Variants in NOS2 observed in about 807,000 individuals in gnomAD.
NOS2 encodes the protein nitric oxide synthase, inducible.
A neutral mutation model predicts 136.0 loss-of-function variants in NOS2; 96 were observed. The ratio of observed to expected loss-of-function variants is 0.71; its 90% CI spans 0.60 to 0.84. NOS2 has a LOEUF of 0.84. NOS2 is among the 40% of genes least tolerant of loss of function. NOS2 has a pLI of 0.00. For synonymous variants in NOS2, 539 were observed against 587.5 expected (o/e 0.92, Z 1.20); for missense variants, 1,237 against 1,496.9 (o/e 0.83, Z 2.87).
At chr17:27,790,487 T>A (rs866325409) in intron 2 of NOS2, among the ~76,000 whole-genome samples, 4 of 152,226 alleles carry the variant, frequency 2.6e-5, no homozygotes, top group African/African-American at 9.7e-5. Flanking sequence ...ACAGAAAATG[T>A]TAAGTGTACA....
chr17:27,785,593 G>A (rs1202910922), intron 5 of NOS2, among the ~76,000 whole-genome samples: 3 of 152,056 alleles, frequency 2.0e-5, no homozygotes, highest in South Asian at 2.1e-4. Context: ...GAGGACCACC[G>A]ACCCTGGAAG....
chr17:27,785,775 T>C (rs1352726849), intron 5 of NOS2, among the ~76,000 whole-genome samples: 2 of 151,186 alleles, frequency 1.3e-5, no homozygotes, highest in Non-Finnish European at 3.0e-5. Context: ...CTGGGCAACA[T>C]AGTGAGACCC....
chr17:27,799,891 C>T (rs1484983118), intron 1 of NOS2, among the ~76,000 whole-genome samples: 1 of 151,964 alleles, frequency 6.6e-6, no homozygotes, highest in South Asian at 2.1e-4. Flanking sequence ...AACTTATAGC[C>T]CCATAGACCT....
rs1339667486 is a variant in NOS2, at chr17:27,762,966, T to C, written c.2632A>G (p.Thr878Ala). The change falls in exon 22 of 27, where the codon ACA becomes GCA. Residue 878 changes from threonine (T) to alanine (A), a missense_variant. Thr to Ala is a moderately conservative substitution (Grantham distance 58, BLOSUM62 0). Coordinates refer to ENST00000313735, the MANE Select transcript of NOS2 (RefSeq NM_000625.4). Reference sequence around the variant, plus strand: ...AACTCCTCTAGCACCTCCAGGAATGTGGGGCTGTTGGTGAACTTCCACTTG... The same window carrying C: ...AACTCCTCTAGCACCTCCAGGAATGCGGGGCTGTTGGTGAACTTCCACTTG... The part of the protein sequence containing the change: ...YSKWKFTNSP[T>A]FLEVLEEFPS... 5.6e-6 allele frequency: 9 copies of C among 1,605,662 alleles called. No individual in the cohort carries two copies. The highest frequency in any genetic ancestry group is 7.6e-6 in the Non-Finnish European group (9 of 1,176,704).
Position 27,772,396 on chromosome 17 carries a change from ACT to A in NOS2, c.1614_1615del (p.Arg538SerfsTer36), listed in dbSNP as rs1474390419. On this transcript the variant is annotated frameshift_variant, in exon 14 of 27. Transcript: ENST00000313735. LOFTEE classifies it high-confidence loss of function. ...TGTCTCTGTCGCAAAGAGGATGGTGACTCTGACTCGGGACGCCATTGTCTTGC... is the reference window on the plus strand; with the variant it reads ...TGTCTCTGTCGCAAAGAGGATGGTGACTGACTCGGGACGCCATTGTCTTGC... 5.6e-6 allele frequency: 9 copies of A among 1,613,892 alleles called. No individual in the cohort carries two copies. Among genetic ancestry groups the A allele is most frequent in the Non-Finnish European group, 6.8e-6 (8 of 1,180,022 alleles).
At chr17:27,790,376 G>A (rs775795427) in intron 2 of NOS2, among the ~76,000 whole-genome samples, 78 of 152,206 alleles carry the variant, frequency 5.1e-4, no homozygotes, top group Non-Finnish European at 9.6e-4. Context: ...TTACAGGCAG[G>A]AGCCACCGCG....
At chr17:27,761,512 C>A (rs1022038989) in intron 22 of NOS2, among the ~76,000 whole-genome samples, 2 of 152,166 alleles carry the variant, frequency 1.3e-5, no homozygotes, top group African/African-American at 4.8e-5. Flanking sequence ...TCACTCAGGT[C>A]GTGGTGGAAT....
intron 2 of NOS2, among the ~76,000 whole-genome samples, chr17:27,797,909 T>C (rs904680800): frequency 6.6e-6 from 1 of 152,156 alleles, no homozygotes; most frequent in Non-Finnish European, 1.5e-5. Flanking sequence ...GAAGTCATAA[T>C]CCTATTAGAG....
chr17:27,769,364 T>G (rs1413563526), intron 16 of NOS2, among the ~76,000 whole-genome samples, 171 bp downstream of exon 16: 1 of 152,126 alleles, frequency 6.6e-6, no homozygotes, highest in African/African-American at 2.4e-5. Flanking sequence ...GAGAGGGACT[T>G]GGTTTCTGTG....
In NOS2 at chr17:27,779,031, G is replaced by A. The variant is rs200585666; in HGVS notation, c.1030C>T (p.Leu344=). Residue 344 remains leucine, a synonymous_variant, in exon 10 of 27, where the codon CTA becomes TTA. Coordinates refer to ENST00000313735, the MANE Select transcript of NOS2 (RefSeq NM_000625.4). ...ACTGCAGGCAGGGCGTACCACTTTA[G>A]CTCCAGTTCCCGAAACCACTCGTAT... ...PKYEWFRELE[L]KWYALPAVAN... 8.4e-6 allele frequency: 13 copies of A among 1,554,732 alleles called. No individual in the cohort carries two copies. In the East Asian group the frequency reaches 2.8e-4, roughly 33 times the overall value.
intron 18 of NOS2, 24 bp downstream of exon 18, chr17:27,767,681 C>G (rs1908349107): frequency 3.7e-6 from 6 of 1,611,932 alleles, no homozygotes; most frequent in Non-Finnish European, 5.1e-6. Flanking sequence ...AAACAAGCCC[C>G]ATGTGCTGCA....
intron 3 of NOS2, 83 bp downstream of exon 3, chr17:27,789,521 A>G (rs1451119521): frequency 9.1e-6 from 10 of 1,102,504 alleles, no homozygotes; most frequent in Non-Finnish European, 9.7e-6. Flanking sequence ...TGCCCTCTCC[A>G]GCCCAGCTCT....
At chr17:27,797,214 C>A (rs1909380487) in intron 2 of NOS2, among the ~76,000 whole-genome samples, 1 of 152,242 alleles carries the variant, frequency 6.6e-6, no homozygotes, top group Non-Finnish European at 1.5e-5. Flanking sequence ...ACAGAGTCCA[C>A]CTGACTTCTG....
rs1908481166 is a variant in NOS2, at chr17:27,771,088, TGG to T, written c.1705-73_1705-72del. On this transcript the variant is annotated intron_variant, in intron 14 of 26. Transcript: ENST00000313735. ...CCCTCCCTACCCTGCGCAGACACCC[TGG>T]GCTTCCTCCCACACTGCCCCCAGGC... 14 of 1,123,146 alleles carry T rather than the reference TGG, an allele frequency of 1.2e-5. No individual in the cohort carries two copies. The East Asian group carries it at 3.6e-4, about 29-fold the overall frequency. 69.6% of individuals were successfully genotyped at this position (1,123,146 alleles called of 1,614,324 possible).
intron 13 of NOS2, among the ~76,000 whole-genome samples, chr17:27,772,798 G>C (rs1478357999): frequency 1.3e-5 from 2 of 152,116 alleles, no homozygotes; most frequent in African/African-American, 4.8e-5. Flanking sequence ...ACTTTGGGAG[G>C]CTGAGCAGGA....
intron 2 of NOS2, among the ~76,000 whole-genome samples, chr17:27,791,798 A>ATATATATATATATATAT (rs1567643098): frequency 6.6e-6 from 1 of 150,682 alleles, no homozygotes; most frequent in African/African-American, 2.4e-5. Flanking sequence ...AAAACAAAAC[A>ATATATATATATATATAT]AAACAAAAAT....
chr17:27,788,770 T>C (rs759835662), intron 4 of NOS2, 39 bp downstream of exon 4: 11 of 1,590,216 alleles, frequency 6.9e-6, no homozygotes, highest in South Asian at 2.2e-5. Context: ...CTTCACCAGC[T>C]TGGGACAAAG....
rs532389396 is a variant in NOS2 at position 27,783,281 on chromosome 17, C to T, written c.468-175G>A. 3.3e-5 allele frequency among the ~76,000 whole-genome samples: 5 copies of T among 152,250 alleles called. No homozygotes were observed. The East Asian group carries it at 7.7e-4, about 24-fold the overall frequency. On this transcript the variant is annotated intron_variant, in intron 5 of 26. Coordinates refer to ENST00000313735, the MANE Select transcript of NOS2 (RefSeq NM_000625.4). ...GACCTCACACTTAGCCTAGAAGCAC[C>T]CCACGCTCAATGCTCTGCTGTCCCC...
At chr17:27,761,516 G>A (rs1373038579) in intron 22 of NOS2, among the ~76,000 whole-genome samples, 1 of 152,178 alleles carries the variant, frequency 6.6e-6, no homozygotes, top group Non-Finnish European at 1.5e-5. Context: ...TCAGGTCGTG[G>A]TGGAATCAGG....
Sources: allele counts gnomAD v4.1 joint callset (sites outside exome capture counted in the v4.1 genomes callset), GRCh38; gene constraint gnomAD v4.1.1; transcripts MANE v1.5; gene names NCBI Gene and HGNC (gene_info 2026-07-23, HGNC 2026-07-21).